The following RP1L1 variants were observed in gnomAD, a reference collection of about 807,000 sequenced individuals.
The protein encoded by RP1L1 is retinitis pigmentosa 1-like 1 protein.
Under a neutral mutation model 15.7 loss-of-function variants are expected in RP1L1, and 27 were observed. That is an observed-to-expected ratio of 1.72 (90% CI 1.27 to 2.38). The LOEUF (loss-of-function observed/expected upper bound fraction) is 2.38. RP1L1 is among the 30% of genes most tolerant of loss of function. The pLI, the probability that RP1L1 is intolerant of heterozygous loss-of-function variation, is 0.00. For synonymous variants in RP1L1, 1,813 were observed against 1,276.7 expected (o/e 1.42, Z -8.96); for missense variants, 4,798 against 3,075.9 (o/e 1.56, Z -13.24).
At chr8:10,650,283 C>G (rs1798539531) in intron 1 of RP1L1, among the ~76,000 whole-genome samples, 1 of 152,170 alleles carries the variant, frequency 6.6e-6, no homozygotes, top group Admixed American at 6.5e-5. Context: ...AAACAAACCC[C>G]ACATTCTTCA....
intron 1 of RP1L1, among the ~76,000 whole-genome samples, chr8:10,626,887 A>C (rs530933433): frequency 7.9e-5 from 12 of 152,334 alleles, no homozygotes; most frequent in Admixed American, 7.8e-4. Context: ...CCAACCTGAT[A>C]GGTCAGGCCT....
chr8:10,628,488 C>A (rs1194017177), intron 1 of RP1L1, among the ~76,000 whole-genome samples: 1 of 152,126 alleles, frequency 6.6e-6, no homozygotes, highest in Admixed American at 6.5e-5. Flanking sequence ...CCACCCCCAG[C>A]CCCAGAGATC....
chr8:10,623,147 G>C lies in RP1L1; in HGVS notation c.55C>G (p.Pro19Ala). Residue 19 changes from proline (P) to alanine (A), a missense_variant, in exon 2 of 4, where the codon CCC becomes GCC. Physicochemically the swap from Pro to Ala is conservative, Grantham distance 27. Transcript: ENST00000382483. ...ACCGAGGGGGTGCGAGCCACAGAGG[G>C]CAGGAAGCACTCACGGTGGCTCGGG... ...QAPSHRECFL[P>A]SVARTPSVTK... 1 of 1,602,658 alleles carries C rather than the reference G, an allele frequency of 6.2e-7. No individual in the cohort carries two copies. Among genetic ancestry groups the C allele is most frequent in the Non-Finnish European group, 8.5e-7 (1 of 1,173,598 alleles).
chr8:10,646,890 C>T (rs912102245), intron 1 of RP1L1, among the ~76,000 whole-genome samples: 1 of 152,260 alleles, frequency 6.6e-6, no homozygotes, highest in Non-Finnish European at 1.5e-5. Flanking sequence ...GTCCCCAGCT[C>T]TTAGGCACTT....
intron 1 of RP1L1, among the ~76,000 whole-genome samples, chr8:10,632,797 G>A (rs919437888): frequency 5.3e-5 from 8 of 152,194 alleles, no homozygotes; most frequent in Non-Finnish European, 1.2e-4. Context: ...TAGGATGGAC[G>A]AGGTCAAGAT....
chr8:10,638,203 G>A (rs941325695), intron 1 of RP1L1, among the ~76,000 whole-genome samples: 4 of 152,360 alleles, frequency 2.6e-5, no homozygotes, highest in Non-Finnish European at 5.9e-5. Flanking sequence ...ATACCGATAT[G>A]CTTGCCCATG....
At position 10,608,902 on chromosome 8, in the gene RP1L1, C is replaced by T. The variant is rs528087976; in HGVS notation, c.5196G>A (p.Pro1732=). The change falls in exon 4 of 4, where the codon CCG becomes CCA. Residue 1732 remains proline, a synonymous_variant. Transcript: ENST00000382483. The part of the protein sequence containing the change: ...TVQGAEGGLG[P]GLSQGPGVDE... ...CCACTCCAGGCCCCTGGCTCAGCCCCGGCCCCAGCCCTCCCTCAGCTCCCT... is the reference window on the plus strand; with the variant it reads ...CCACTCCAGGCCCCTGGCTCAGCCCTGGCCCCAGCCCTCCCTCAGCTCCCT... 40 of 1,614,034 alleles carry T rather than the reference C, an allele frequency of 2.5e-5. No homozygotes were observed. The highest frequency in any genetic ancestry group is 8.9e-5 in the East Asian group (4 of 44,870).
Position 10,611,064 on chromosome 8 carries a change from G to A in RP1L1, c.3034C>T (p.Gln1012Ter). Reference sequence around the variant, plus strand: ...TGGCCGGGGTCCCCTTCCAGGGACTGCTGTCCCGCCTGAGCTGGCTCCCCC... The same window carrying A: ...TGGCCGGGGTCCCCTTCCAGGGACTACTGTCCCGCCTGAGCTGGCTCCCCC... ...GLGEPAQAGQ[Q>*]SLEGDPGQDP... The change falls in exon 4 of 4, where the codon CAG becomes TAG. Residue 1012 changes from glutamine to a stop codon, truncating the protein, a stop_gained. Transcript: ENST00000382483. LOFTEE classifies it low-confidence loss of function (END_TRUNC). The A allele has an allele frequency of 6.2e-7, 1 of 1,612,818 alleles. No individual in the cohort carries two copies. Among genetic ancestry groups the A allele is most frequent in the Non-Finnish European group, 8.5e-7 (1 of 1,179,992 alleles).
chr8:10,642,346 C>T (rs146625499), intron 1 of RP1L1, among the ~76,000 whole-genome samples: 17 of 152,218 alleles, frequency 1.1e-4, no homozygotes, highest in Admixed American at 2.0e-4. Flanking sequence ...CAGATGAGGA[C>T]GGCCAATAAT....
At chr8:10,615,519 G>T (rs1797951445) in intron 3 of RP1L1, among the ~76,000 whole-genome samples, 1 of 152,150 alleles carries the variant, frequency 6.6e-6, no homozygotes, top group Admixed American at 6.5e-5. Flanking sequence ...TTGCTGCCAT[G>T]ATGTCATGGC....
rs145734318 is a variant in RP1L1 at position 10,634,002 on chromosome 8, G to A, written c.-19-10782C>T. ...GAAGGGTGCCCGAGGGCCTGACCAG[G>A]AGGCTCAAGTCACCCTGATCCCCAG... On this transcript the variant is annotated intron_variant, in intron 1 of 3. Coordinates refer to ENST00000382483, the MANE Select transcript of RP1L1 (RefSeq NM_178857.6). Among the ~76,000 whole-genome samples the A allele has an allele frequency of 3.3e-3, 509 of 152,232 alleles. 2 individuals carry two copies. Among genetic ancestry groups the A allele is most frequent in the Non-Finnish European group, 5.2e-3 (354 of 68,018 alleles).
chr8:10,616,578 G>A lies in RP1L1; in HGVS notation c.619C>T (p.Leu207=), dbSNP rs1425727509. Residue 207 remains leucine (L), a synonymous_variant, in exon 3 of 4, where the codon CTG becomes TTG. Transcript: ENST00000382483. ...GAGGGGCTGTGCAGCAGGGCCTGCA[G>A]CGAGTCCACCTGAGGGAGGAGCGGG... ...YTTSGKKVDS[L]QALLHSPSVL... 4 of 1,612,408 alleles carry A rather than the reference G, an allele frequency of 2.5e-6. No homozygotes were observed. Among genetic ancestry groups the A allele is most frequent in the Non-Finnish European group, 3.4e-6 (4 of 1,179,846 alleles).
chr8:10,637,164 C>T (rs1277630577), intron 1 of RP1L1, among the ~76,000 whole-genome samples: 1 of 152,160 alleles, frequency 6.6e-6, no homozygotes, highest in African/African-American at 2.4e-5. Context: ...GTCAGGTTCC[C>T]GGACTCAAAC....
rs369922726 is a variant in RP1L1, at chr8:10,613,235, G to C, written c.863C>G (p.Ala288Gly). 6.2e-7 allele frequency: 1 copy of C among 1,612,978 alleles called. No homozygotes were observed. Among genetic ancestry groups the C allele is most frequent in the Admixed American group, 1.7e-5 (1 of 60,032 alleles). Residue 288 changes from alanine (A) to glycine (G), a missense_variant, in exon 4 of 4, where the codon GCT (alanine) becomes GGT (glycine). Coordinates refer to ENST00000382483, the MANE Select transcript of RP1L1 (RefSeq NM_178857.6). ...CGTGTCCTGAGGGTGCCTGCCAGGA[G>C]CAGGGCCCACCGGGGGGTTGCTAGG... ...PGPSNPPVGP[A>G]PGRHPQDTPA...
chr8:10,616,703 AC>A, intron 2 of RP1L1, 116 bp from the exon 3 acceptor site: 1 of 1,187,932 alleles, frequency 8.4e-7, no homozygotes, highest in Non-Finnish European at 1.1e-6. Context: ...TGCACATCTC[AC>A]CCCAGACTCC....
rs1440767418 is a variant in RP1L1, at chr8:10,613,328, G to C, written c.770C>G (p.Thr257Ser). ...CCGCGAATGGATCACACTCGGCTTG[G>C]TCTTTGGCCCCCAGCTCCCTGGCAC... ...RNKNGSWGPK[T>S]KPSVIHSRSP... Residue 257 changes from threonine (T) to serine (S), a missense_variant, in exon 4 of 4, where the codon ACC becomes AGC. Coordinates refer to ENST00000382483, the MANE Select transcript of RP1L1 (RefSeq NM_178857.6). The C allele has an allele frequency of 1.9e-6, 3 of 1,600,516 alleles. No individual in the cohort carries two copies. Among genetic ancestry groups the C allele is most frequent in the East Asian group, 2.2e-5 (1 of 44,870 alleles).
intron 1 of RP1L1, among the ~76,000 whole-genome samples, chr8:10,650,800 C>G (rs1341628458): frequency 6.6e-6 from 1 of 152,182 alleles, no homozygotes; most frequent in Non-Finnish European, 1.5e-5. Flanking sequence ...CTCCTGACCT[C>G]AGGTGATCCA....
At chr8:10,637,750 T>C (rs1159279120) in intron 1 of RP1L1, among the ~76,000 whole-genome samples, 1 of 152,220 alleles carries the variant, frequency 6.6e-6, no homozygotes, top group African/African-American at 2.4e-5. Flanking sequence ...CATAGGAGTT[T>C]ATTTCCCTAG....
intron 1 of RP1L1, among the ~76,000 whole-genome samples, chr8:10,654,415 A>G (rs1171670268): frequency 6.6e-6 from 1 of 151,992 alleles, no homozygotes; most frequent in Non-Finnish European, 1.5e-5. Context: ...GGGTCTTCAG[A>G]GATTCTTGAA....
Sources: gnomAD v4.1 joint callset for allele counts (sites outside exome capture counted in the v4.1 genomes callset) on GRCh38, gnomAD v4.1.1 for gene constraint, MANE v1.5 for transcripts, NCBI Gene and HGNC (gene_info 2026-07-23, HGNC 2026-07-21) for gene names.